Variants in LZTFL1 observed in about 807,000 individuals in gnomAD.
LZTFL1 encodes the protein leucine zipper transcription factor like 1.
Under a neutral mutation model 45.9 loss-of-function variants are expected in LZTFL1, and 25 were observed. The ratio of observed to expected loss-of-function variants is 0.54; its 90% CI spans 0.40 to 0.76. The LOEUF (loss-of-function observed/expected upper bound fraction) is 0.76, where lower values mean the gene tolerates loss of function less well. Among genes scored for constraint, LZTFL1 ranks in the 30% least tolerant of loss-of-function variants. The pLI, the probability that LZTFL1 is intolerant of heterozygous loss-of-function variation, is 0.00. For missense variants in LZTFL1, 277 were observed against 331.1 expected (o/e 0.84, Z 1.27); for synonymous variants, 93 against 117.4 (o/e 0.79, Z 1.35).
chr3:45,859,973 G>T (rs972490059), intron 2 of LZTFL1, among the ~76,000 whole-genome samples: 7 of 152,056 alleles, frequency 4.6e-5, no homozygotes, highest in Non-Finnish European at 1.5e-5. Flanking sequence ...AAATAGAATG[G>T]CATTAAGTAT....
intron 1 of LZTFL1, chr3:45,913,191 C>G: frequency 6.6e-7 from 1 of 1,506,166 alleles, no homozygotes; most frequent in Non-Finnish European, 8.9e-7. Context: ...GAAAATTATA[C>G]AATTACACAA....
chr3:45,873,151 C>A (rs1701696106), intron 2 of LZTFL1, among the ~76,000 whole-genome samples: 1 of 152,186 alleles, frequency 6.6e-6, no homozygotes, highest in South Asian at 2.1e-4. Flanking sequence ...TTCCCCAAAC[C>A]AATTTTTCAA....
rs74583708 is a variant in LZTFL1, at chr3:45,828,931, C to T, written c.601-316G>A. Among the ~76,000 whole-genome samples, 716 of 152,186 alleles carry T rather than the reference C, an allele frequency of 4.7e-3. 4 individuals are homozygous for T. The highest frequency in any genetic ancestry group is 0.014 in the African/African-American group (598 of 41,500). On this transcript the variant is annotated intron_variant, in intron 7 of 9. Coordinates refer to ENST00000296135, the MANE Select transcript of LZTFL1 (RefSeq NM_020347.4). ...TGTGTACCAGGGTTGAGATGGCAAA[C>T]AGGTTTCATTTTGAAAAGCCAAATT...
At chr3:45,850,196 T>A (rs903552496) in intron 4 of LZTFL1, among the ~76,000 whole-genome samples, 2 of 152,258 alleles carry the variant, frequency 1.3e-5, no homozygotes, top group African/African-American at 4.8e-5. Flanking sequence ...GTAATACATG[T>A]TTCATGTCTA....
At chr3:45,874,754 G>T (rs559563766) in intron 2 of LZTFL1, among the ~76,000 whole-genome samples, 2 of 152,306 alleles carry the variant, frequency 1.3e-5, no homozygotes, top group South Asian at 2.1e-4. Flanking sequence ...GACTTGCTTT[G>T]ACCAATAGTA....
At chr3:45,915,295 C>T (rs1474609637) in intron 1 of LZTFL1, 7 of 305,756 alleles carry the variant, frequency 2.3e-5, no homozygotes, top group Non-Finnish European at 4.7e-5. Context: ...TCTGTTACCC[C>T]TCTTTTCTCA....
chr3:45,889,803 A>G (rs1260667168), intron 2 of LZTFL1, among the ~76,000 whole-genome samples: 1 of 151,806 alleles, frequency 6.6e-6, no homozygotes, highest in Non-Finnish European at 1.5e-5. Flanking sequence ...TATTGGCTAC[A>G]CATGGTTTAT....
intron 3 of LZTFL1, among the ~76,000 whole-genome samples, chr3:45,855,312 C>T (rs1324907442): frequency 6.6e-6 from 1 of 152,104 alleles, no homozygotes; most frequent in Non-Finnish European, 1.5e-5. Context: ...AGACAAAACC[C>T]ACATGATTAT....
At chr3:45,894,556 T>C (rs982778132) in intron 2 of LZTFL1, among the ~76,000 whole-genome samples, 1 of 152,168 alleles carries the variant, frequency 6.6e-6, no homozygotes, top group South Asian at 2.1e-4. Context: ...AGGGAGCTAA[T>C]GTAGAAAGGA....
Position 45,881,900 on chromosome 3 carries a change from C to T in LZTFL1, c.-214-22884G>A, listed in dbSNP as rs186415482. 1.9e-3 allele frequency among the ~76,000 whole-genome samples: 287 copies of T among 152,366 alleles called. 1 individual carries two copies. The highest frequency in any genetic ancestry group is 6.7e-3 in the African/African-American group (279 of 41,590). Reference sequence around the variant, plus strand: ...ATTAGCTGCTGAATAGCAGGTTGGTCTGGACCTGTACAATCCACTAGGGTG... The same window carrying T: ...ATTAGCTGCTGAATAGCAGGTTGGTTTGGACCTGTACAATCCACTAGGGTG... On this transcript the variant is annotated intron_variant, in intron 2 of 4. Transcript: ENST00000472635.
At chr3:45,844,940 T>A (rs1470356441), upstream of LZTFL1, among the ~76,000 whole-genome samples, 2 of 152,170 alleles carry the variant, frequency 1.3e-5, no homozygotes, top group Admixed American at 1.3e-4. Flanking sequence ...TGGCAATTAC[T>A]TAGCCCAAAT....
At chr3:45,843,154 G>T (rs1000311685), upstream of LZTFL1, among the ~76,000 whole-genome samples, 4 of 152,212 alleles carry the variant, frequency 2.6e-5, no homozygotes, top group Admixed American at 1.3e-4. Context: ...ATTTGGGCAG[G>T]ATCCCTGTCT....
chr3:45,900,736 T>TCCA lies in LZTFL1; in HGVS notation c.-215+12381_-215+12383dup. ...GTTTGGGGTTGGAAGGGTCAAGAGGTCCATGCCTCTGCCATCAGACAGGAC... is the reference window on the plus strand; with the variant it reads ...GTTTGGGGTTGGAAGGGTCAAGAGGTCCACCATGCCTCTGCCATCAGACAGGAC... On this transcript the variant is annotated intron_variant, in intron 2 of 4. Transcript: ENST00000472635. This position sits in a 1 kb window ranked among gnomAD's most constrained non-coding sequence, Gnocchi z 4.7. 6.7e-7 allele frequency: 1 copy of TCCA among 1,497,200 alleles called. No individual in the cohort carries two copies. Among genetic ancestry groups the TCCA allele is most frequent in the Non-Finnish European group, 9.0e-7 (1 of 1,107,482 alleles). The allele number at this position is 1,497,200 out of a possible 1,614,324, so 92.7% of individuals were successfully genotyped here.
intron 2 of LZTFL1, among the ~76,000 whole-genome samples, chr3:45,907,350 A>T (rs1048070829): frequency 3.3e-5 from 5 of 152,114 alleles, no homozygotes; most frequent in Non-Finnish European, 7.4e-5. Flanking sequence ...CCTGCCCCTC[A>T]CCACCTGGAC....
At chr3:45,869,707 C>T (rs750667138) in intron 2 of LZTFL1, among the ~76,000 whole-genome samples, 5 of 152,094 alleles carry the variant, frequency 3.3e-5, no homozygotes, top group Admixed American at 6.5e-5. Flanking sequence ...GGGAATGATT[C>T]GTCTGTGTCT....
At chr3:45,892,302 A>C (rs1702205433) in intron 2 of LZTFL1, among the ~76,000 whole-genome samples, 1 of 152,208 alleles carries the variant, frequency 6.6e-6, no homozygotes, top group African/African-American at 2.4e-5. Context: ...AAAAACATGG[A>C]ATCAACCTAA....
chr3:45,906,475 T>C (rs1702680387), intron 2 of LZTFL1, among the ~76,000 whole-genome samples: 1 of 152,078 alleles, frequency 6.6e-6, no homozygotes, highest in Admixed American at 6.6e-5. Flanking sequence ...TGACCAGCAT[T>C]TGCCAAGCCA....
At chr3:45,859,547 C>T (rs1356748950) in intron 2 of LZTFL1, among the ~76,000 whole-genome samples, 1 of 150,094 alleles carries the variant, frequency 6.7e-6, no homozygotes, top group African/African-American at 2.5e-5. Flanking sequence ...TTTTCACCAA[C>T]AAAAAACACC....
intron 9 of LZTFL1, chr3:45,827,058 G>A: frequency 5.9e-6 from 2 of 339,076 alleles, no homozygotes; most frequent in Non-Finnish European, 5.3e-6. Flanking sequence ...ACCTAATGCT[G>A]CCCTGCGAGC....
Sources: allele counts gnomAD v4.1 joint callset (sites outside exome capture counted in the v4.1 genomes callset), GRCh38; gene constraint gnomAD v4.1.1; non-coding constraint Gnocchi (gnomAD v3.1); transcripts MANE v1.5; gene names NCBI Gene and HGNC (gene_info 2026-07-23, HGNC 2026-07-21).